Variants in CREB1 observed in about 807,000 individuals in gnomAD.
The protein encoded by CREB1 is cAMP responsive element binding protein 1, also known as cyclic AMP-responsive element-binding protein 1.
Under a neutral mutation model 42.0 loss-of-function variants are expected in CREB1, and 2 were observed. The ratio of observed to expected loss-of-function variants is 0.05; its 90% CI spans 0.02 to 0.15. CREB1 has a LOEUF of 0.15. Among genes scored for constraint, CREB1 ranks in the 10% least tolerant of loss-of-function variants. The pLI is 1.00. For missense variants in CREB1, 199 were observed against 388.9 expected (o/e 0.51, Z 4.11); for synonymous variants, 123 against 139.9 (o/e 0.88, Z 0.85).
At chr2:207,564,750 A>G (rs560882468) in intron 3 of CREB1, among the ~76,000 whole-genome samples, 2 of 152,258 alleles carry the variant, frequency 1.3e-5, no homozygotes, top group African/African-American at 4.8e-5. Context: ...ACCAAAGTTG[A>G]GAAATACAGA....
In CREB1 at chr2:207,603,604, T is replaced by G. The variant is rs751636806; in HGVS notation, c.*6546T>G. On this transcript the variant is annotated 3_prime_UTR_variant, in exon 8 of 8. Coordinates refer to ENST00000353267, the MANE Select transcript of CREB1 (RefSeq NM_004379.5). ...GTCTTCAGTTACTGGATCCCTAATT[T>G]TCAGGACAAAACCTGTTTTTCAATA... Among the ~76,000 whole-genome samples the G allele has an allele frequency of 5.9e-5, 9 of 152,176 alleles. No homozygotes were observed. The highest frequency in any genetic ancestry group is 8.8e-5 in the Non-Finnish European group (6 of 68,016).
chr2:207,556,293 CTCAT>C (rs1433592926), intron 2 of CREB1, among the ~76,000 whole-genome samples: 1 of 152,012 alleles, frequency 6.6e-6, no homozygotes, highest in African/African-American at 2.4e-5. Flanking sequence ...AATATTTTCT[CTCAT>C]TCTTATGTTT....
intron 6 of CREB1, among the ~76,000 whole-genome samples, chr2:207,576,241 C>CTTTTTTTTTTTTTTTTTTTTGT (rs35735523): frequency 9.9e-6 from 1 of 101,062 alleles, no homozygotes; most frequent in Admixed American, 1.1e-4. Flanking sequence ...CTTTTTTTGG[C>CTTTTTTTTTTTTTTTTTTTTGT]TTTTTTTTTT....
intron 1 of CREB1, among the ~76,000 whole-genome samples, chr2:207,549,114 C>T (rs1447245956): frequency 6.6e-6 from 1 of 152,066 alleles, no homozygotes; most frequent in East Asian, 1.9e-4. Flanking sequence ...TGACTTGTTC[C>T]CTTAAAATAT....
chr2:207,542,374 G>A (rs2081131049), intron 1 of CREB1, among the ~76,000 whole-genome samples: 2 of 152,124 alleles, frequency 1.3e-5, no homozygotes, highest in East Asian at 1.9e-4. Flanking sequence ...TCTACTGAGT[G>A]CAAAGAGGTA....
chr2:207,580,103 A>G (rs1336170012), intron 7 of CREB1, among the ~76,000 whole-genome samples: 1 of 152,196 alleles, frequency 6.6e-6, no homozygotes, highest in East Asian at 1.9e-4. Context: ...TATTAATTCT[A>G]CCTACAGTGA....
At chr2:207,574,670 T>A (rs576833704) in intron 5 of CREB1, among the ~76,000 whole-genome samples, 1 of 152,358 alleles carries the variant, frequency 6.6e-6, no homozygotes, top group East Asian at 1.9e-4. Context: ...GCTCTGATTT[T>A]AAAATTCCAT....
intron 3 of CREB1, among the ~76,000 whole-genome samples, chr2:207,565,398 T>C (rs911540524): frequency 7.9e-5 from 12 of 152,152 alleles, no homozygotes; most frequent in Admixed American, 1.3e-4. Context: ...TGAATTCTCT[T>C]TACATTTACA....
intron 3 of CREB1, among the ~76,000 whole-genome samples, 183 bp downstream of exon 3, chr2:207,560,555 A>T (rs940148261): frequency 6.6e-6 from 1 of 152,254 alleles, no homozygotes; most frequent in African/African-American, 2.4e-5. Context: ...AAGAACAAAC[A>T]TAAAAGAAAA....
chr2:207,531,300 C>T (rs907737814), intron 1 of CREB1, among the ~76,000 whole-genome samples: 95 of 152,230 alleles, frequency 6.2e-4, no homozygotes, highest in Non-Finnish European at 9.8e-4. Flanking sequence ...CCACGAATTT[C>T]TGTGTGAACT....
chr2:207,583,398 A>G (rs1366434469), intron 7 of CREB1, among the ~76,000 whole-genome samples: 1 of 152,206 alleles, frequency 6.6e-6, no homozygotes, highest in Non-Finnish European at 1.5e-5. Flanking sequence ...CTTGGCTTAT[A>G]TGTTTGTTTA....
intron 1 of CREB1, among the ~76,000 whole-genome samples, chr2:207,534,416 T>C (rs1025655692): frequency 6.6e-6 from 1 of 152,182 alleles, no homozygotes; most frequent in African/African-American, 2.4e-5. Flanking sequence ...TTTGTGTTTT[T>C]AGTAGAGACA....
At chr2:207,592,362 C>T (rs891654804) in intron 7 of CREB1, among the ~76,000 whole-genome samples, 2 of 152,020 alleles carry the variant, frequency 1.3e-5, no homozygotes, top group Non-Finnish European at 1.5e-5. Context: ...GCCCAGATCA[C>T]GCCACTGCAC....
intron 7 of CREB1, among the ~76,000 whole-genome samples, chr2:207,589,350 C>T (rs1179847617): frequency 6.6e-6 from 1 of 152,172 alleles, no homozygotes; most frequent in Middle Eastern, 3.2e-3. Context: ...TATCTCTGTT[C>T]CCCTTCTGCA....
chr2:207,533,745 G>T (rs2080752818), intron 1 of CREB1, among the ~76,000 whole-genome samples: 1 of 151,840 alleles, frequency 6.6e-6, no homozygotes, highest in Non-Finnish European at 1.5e-5. Context: ...CATCTGTACT[G>T]CAGTATCACT....
intron 7 of CREB1, among the ~76,000 whole-genome samples, chr2:207,591,566 A>G (rs1289543254): frequency 6.6e-6 from 1 of 152,038 alleles, no homozygotes. Flanking sequence ...CAAAATAGCT[A>G]GGATTACAGG....
intron 3 of CREB1, among the ~76,000 whole-genome samples, chr2:207,564,685 C>T (rs1037395691): frequency 5.3e-5 from 8 of 152,000 alleles, no homozygotes; most frequent in African/African-American, 1.9e-4. Context: ...TTCAAATAAT[C>T]GAAACGGGGT....
chr2:207,571,402 C>CT (rs2082358303), intron 5 of CREB1, among the ~76,000 whole-genome samples: 3 of 152,116 alleles, frequency 2.0e-5, no homozygotes, highest in Admixed American at 2.0e-4. Context: ...TCCAGTTCAA[C>CT]TTTGTTTTGC....
At chr2:207,590,343 A>G (rs1234697515) in intron 7 of CREB1, among the ~76,000 whole-genome samples, 1 of 150,840 alleles carries the variant, frequency 6.6e-6, no homozygotes, top group Non-Finnish European at 1.5e-5. Context: ...CCCCTACCCC[A>G]GCCACCCTCC....
Sources: gnomAD v4.1 joint callset for allele counts (sites outside exome capture counted in the v4.1 genomes callset) on GRCh38, gnomAD v4.1.1 for gene constraint, MANE v1.5 for transcripts, NCBI Gene and HGNC (gene_info 2026-07-23, HGNC 2026-07-21) for gene names.